PCDHA3: variants seen among roughly 807,000 people sequenced by gnomAD.
PCDHA3 encodes protocadherin alpha 3.
PCDHA3 carries 41 observed loss-of-function variants against 62.2 expected under a neutral mutation model. The ratio of observed to expected loss-of-function variants is 0.66; its 90% confidence interval spans 0.51 to 0.86. PCDHA3 has a LOEUF of 0.86. PCDHA3 is among the 40% of genes least tolerant of loss of function. The probability of loss-of-function intolerance (pLI) is 0.00; values close to 1 mark genes in which losing one functional copy is unlikely to be tolerated. For missense variants in PCDHA3, 1,304 were observed against 1,241.2 expected, an observed-to-expected ratio of 1.05 and a Z score of -0.76; for synonymous variants, 640 against 555.4, an observed-to-expected ratio of 1.15 and a Z score of -2.14.
chr5:140,884,818 T>C (rs1298208791), intron 1 of PCDHA3: 1 of 1,050,614 alleles, frequency 9.5e-7, no homozygotes, highest in Non-Finnish European at 1.3e-6. Context: ...CTGTGGACAT[T>C]ATGTGTTGGA....
At chr5:140,812,894 A>G (rs1765195781) in intron 1 of PCDHA3, 1 of 152,312 alleles carries the variant, frequency 6.6e-6, no homozygotes, top group African/African-American at 2.4e-5. Context: ...TGAAATTTTG[A>G]ACAGAATTTC....
intron 1 of PCDHA3, chr5:140,969,351 G>T: frequency 6.2e-7 from 1 of 1,612,990 alleles, no homozygotes; most frequent in Non-Finnish European, 8.5e-7. Flanking sequence ...TGGTCAGGGG[G>T]TCTTCTACAA....
intron 1 of PCDHA3, chr5:140,883,468 C>A: frequency 6.2e-7 from 1 of 1,614,164 alleles, no homozygotes; most frequent in South Asian, 1.1e-5. Context: ...TGGTGTCCAC[C>A]TACAAGAACT....
intron 1 of PCDHA3, among the ~76,000 whole-genome samples, chr5:140,976,863 T>G (rs116630325): frequency 0.028 from 4,205 of 152,320 alleles, 87 homozygotes; most frequent in Non-Finnish European, 0.044. Flanking sequence ...GAGTTTACTG[T>G]CTGACAAAGA....
At chr5:140,869,772 T>A (rs1554163433) in intron 1 of PCDHA3, 1 of 1,613,190 alleles carries the variant, frequency 6.2e-7, no homozygotes, top group Non-Finnish European at 8.5e-7. Context: ...CAGAGCTTAC[T>A]GGCACCGTTC....
rs2150351099 is a variant in PCDHA3 at position 140,843,050 on chromosome 5, G to C, written c.2394+39459G>C. ...TCGGGTGGGTGGCACTGGTGGCGCA[G>C]CGAGCAAGCTGGTGCCGCGGTCTGT... On this transcript the variant is annotated intron_variant, in intron 1 of 3. Coordinates refer to ENST00000522353, the MANE Select transcript of PCDHA3 (RefSeq NM_018906.3). 4 of 1,595,142 alleles carry C rather than the reference G, an allele frequency of 2.5e-6. 1 individual carries two copies. The highest frequency in any genetic ancestry group is 3.4e-6 in the Non-Finnish European group (4 of 1,165,280).
In PCDHA3 at chr5:140,840,083, C is replaced by G. The variant is rs2150303181; in HGVS notation, c.2394+36492C>G. Among the ~76,000 whole-genome samples, 6 of 151,974 alleles carry G rather than the reference C, an allele frequency of 3.9e-5. No individual in the cohort carries two copies. The East Asian group carries it at 7.7e-4, about 20-fold the overall frequency. On this transcript the variant is annotated intron_variant, in intron 1 of 3. Coordinates refer to ENST00000522353, the MANE Select transcript of PCDHA3 (RefSeq NM_018906.3). The stretch of plus-strand genomic sequence containing the variant: ...GACAATTAGTCAATAGAAAGATAAA[C>G]TTGTTGAAGATTTTAGTGAAATCGA...
At chr5:140,808,312 C>T (rs1330097082) in intron 1 of PCDHA3, 1 of 1,614,124 alleles carries the variant, frequency 6.2e-7, no homozygotes, top group East Asian at 2.2e-5. Flanking sequence ...TCAGCGTGTC[C>T]GACAAAGACA....
rs138092357 is a variant in PCDHA3 at position 140,856,175 on chromosome 5, T to C, written c.2394+52584T>C. On this transcript the variant is annotated intron_variant, in intron 1 of 3. Transcript: ENST00000522353. The stretch of plus-strand genomic sequence containing the variant: ...CTACGAGGAGGCCAGACACGGCACC[T>C]TCGTGGGCCGCATCGCGCAGGACCT... The C allele has an allele frequency of 1.5e-4, 244 of 1,598,214 alleles. 13 individuals are homozygous for C. The African/African-American group carries it at 2.9e-3, about 19-fold the overall frequency.
chr5:140,810,036 T>C (rs1184340137), intron 1 of PCDHA3: 7 of 154,932 alleles, frequency 4.5e-5, no homozygotes, highest in Admixed American at 4.5e-4. Flanking sequence ...ACATTTGCCT[T>C]TTATAACTGT....
intron 1 of PCDHA3, among the ~76,000 whole-genome samples, chr5:140,937,039 C>CT (rs34994034): frequency 0.49 from 69,094 of 140,108 alleles, 17,193 homozygotes; most frequent in East Asian, 0.59. Flanking sequence ...TTCCATTTAT[C>CT]TTTTTTTTTT....
At chr5:140,885,274 AT>A (rs2153409165) in intron 1 of PCDHA3, among the ~76,000 whole-genome samples, 1 of 152,248 alleles carries the variant, frequency 6.6e-6, no homozygotes, top group South Asian at 2.1e-4. Context: ...ATACATATAT[AT>A]ATACATATAT....
chr5:140,912,445 A>C (rs1165607499), intron 1 of PCDHA3, among the ~76,000 whole-genome samples: 1 of 151,772 alleles, frequency 6.6e-6, no homozygotes, highest in African/African-American at 2.4e-5. Flanking sequence ...ATTTGTGTGC[A>C]TTGATTTTGT....
chr5:140,892,218 T>C (rs182162644), intron 1 of PCDHA3, among the ~76,000 whole-genome samples: 23 of 152,308 alleles, frequency 1.5e-4, no homozygotes, highest in Admixed American at 1.4e-3. Context: ...ATTGTATCTT[T>C]ATGGTGTTTT....
chr5:140,986,074 T>C (rs1342378005), intron 3 of PCDHA3, among the ~76,000 whole-genome samples: 1 of 152,124 alleles, frequency 6.6e-6, no homozygotes, highest in African/African-American at 2.4e-5. Context: ...AAAGAAACTG[T>C]TCATTTATTT....
At chr5:140,857,621 G>C (rs962164938) in intron 1 of PCDHA3, 3 of 1,596,644 alleles carry the variant, frequency 1.9e-6, no homozygotes, top group East Asian at 4.5e-5. Flanking sequence ...GCTGGACCAC[G>C]AGGAGCTGGA....
chr5:140,928,792 G>T (rs1190569981), intron 1 of PCDHA3: 1 of 1,614,048 alleles, frequency 6.2e-7, no homozygotes, highest in African/African-American at 1.3e-5. Context: ...TAAGCAGAGG[G>T]TGGTGGTAGT....
intron 1 of PCDHA3, chr5:140,929,431 C>T (rs155360): frequency 0.52 from 779,088 of 1,485,262 alleles, 207,160 homozygotes; most frequent in African/African-American, 0.75. Context: ...ATCAATTGAA[C>T]TAAACACTCC....
At chr5:140,830,246 A>C (rs782731827) in intron 1 of PCDHA3, 3 of 1,613,762 alleles carry the variant, frequency 1.9e-6, no homozygotes, top group Admixed American at 3.3e-5. Context: ...ACTGCTGTAC[A>C]CAGCGCTGCG....
Sources: gnomAD v4.1 joint callset for allele counts (sites outside exome capture counted in the v4.1 genomes callset) on GRCh38, gnomAD v4.1.1 for gene constraint, MANE v1.5 for transcripts, NCBI Gene and HGNC (gene_info 2026-07-23, HGNC 2026-07-21) for gene names.